The following LRRC4B variants were observed in gnomAD, a reference collection of about 807,000 sequenced individuals.
LRRC4B encodes the protein leucine-rich repeat-containing protein 4B.
In LRRC4B, 1 loss-of-function variant was observed where a neutral mutation model predicts 7.3. The observed-to-expected ratio is 0.14, with a 90% CI of 0.05 to 0.65. The LOEUF (loss-of-function observed/expected upper bound fraction) is 0.65, where lower values mean the gene tolerates loss of function less well. Among genes scored for constraint, LRRC4B ranks in the 30% least tolerant of loss-of-function variants. The pLI, the probability that LRRC4B is intolerant of heterozygous loss-of-function variation, is 0.84. For synonymous variants in LRRC4B, 500 were observed against 499.2 expected, an observed-to-expected ratio of 1.00 and a Z score of -0.02; for missense variants, 730 against 1,041.6, an observed-to-expected ratio of 0.70 and a Z score of 4.12.
chr19:50,531,617 T>C (rs1981063586), intron 2 of LRRC4B, among the ~76,000 whole-genome samples: 1 of 152,220 alleles, frequency 6.6e-6, no homozygotes, highest in African/African-American at 2.4e-5. Context: ...ATAGGGAGTC[T>C]CTTTATTTTG....
At chr19:50,541,698 C>T (rs151306648) in intron 2 of LRRC4B, among the ~76,000 whole-genome samples, 100 of 152,300 alleles carry the variant, frequency 6.6e-4, no homozygotes, top group African/African-American at 2.3e-3. Context: ...CAGAGCCGCC[C>T]GCTAAAAGCC....
chr19:50,534,622 G>A (rs572816452), intron 2 of LRRC4B, among the ~76,000 whole-genome samples: 3 of 152,290 alleles, frequency 2.0e-5, no homozygotes, highest in South Asian at 2.1e-4. Flanking sequence ...GCAAAGGGAC[G>A]TGGCCCCCAT....
At position 50,520,237 on chromosome 19, in the gene LRRC4B, A is replaced by G. The variant is rs1205966926; in HGVS notation, c.298-822T>C. Among the ~76,000 whole-genome samples, 101 of 65,014 alleles carry G rather than the reference A, an allele frequency of 1.6e-3. 3 individuals are homozygous for G. Among genetic ancestry groups the G allele is most frequent in the Admixed American group, 2.5e-3 (12 of 4,856 alleles). 42.7% of individuals were successfully genotyped at this position (65,014 alleles called of 152,430 possible). ...AAAAAAAAAAAAAAAAAAAAAAAAAAAAAAAAAAAAGAAGAAAAGAAAAGA... is the reference window on the plus strand; with the variant it reads ...AAAAAAAAAAAAAAAAAAAAAAAAAGAAAAAAAAAAGAAGAAAAGAAAAGA... On this transcript the variant is annotated intron_variant, in intron 2 of 2. Transcript: ENST00000652263.
At chr19:50,530,121 G>A (rs1980988496) in intron 2 of LRRC4B, among the ~76,000 whole-genome samples, 2 of 151,958 alleles carry the variant, frequency 1.3e-5, no homozygotes, top group Admixed American at 1.3e-4. Context: ...CATCCCCACA[G>A]CCCAGCCCCG....
At position 50,556,260 on chromosome 19, in the gene LRRC4B, C is replaced by T. The variant is rs1290269973; in HGVS notation, c.-35-7387G>A. 4.1e-5 allele frequency among the ~76,000 whole-genome samples: 4 copies of T among 98,354 alleles called. No individual in the cohort carries two copies. The highest frequency in any genetic ancestry group is 1.1e-4 in the Admixed American group (1 of 8,950). 64.5% of individuals were successfully genotyped at this position (98,354 alleles called of 152,430 possible). A position where few individuals can be genotyped will look rare whatever the true frequency, so the allele number is the denominator to read the frequency against. On this transcript the variant is annotated intron_variant, in intron 1 of 2. Transcript: ENST00000652263. The surrounding 1 kb of genome is among the most constrained non-coding windows in gnomAD (Gnocchi z 4.2). ...GCGGCCCGTGCAGTGGGGGTGCAGT[C>T]GGGGTGGGGGTGAGGTGCAGTGGGT...
chr19:50,540,752 T>C (rs1371192581), intron 2 of LRRC4B, among the ~76,000 whole-genome samples: 3 of 151,380 alleles, frequency 2.0e-5, no homozygotes, highest in Non-Finnish European at 2.9e-5. Flanking sequence ...TGCCTGATGA[T>C]CCATCACTGT....
In LRRC4B at chr19:50,568,278, GCCTTCCTTCCTT is replaced by G. The variant is rs920367609; in HGVS notation, c.-382_-371del. ...TTCTTTCCTGGCTTCCTTCCTTCCA[GCCTTCCTTCCTT>G]CCTTCCTCCCTCCTCGGGCCCGCCG... On this transcript the variant is annotated 5_prime_UTR_variant, in exon 1 of 3. Transcript: ENST00000652263. Among the ~76,000 whole-genome samples, 1 of 151,032 alleles carries G rather than the reference GCCTTCCTTCCTT, an allele frequency of 6.6e-6. No homozygotes were observed. The highest frequency in any genetic ancestry group is 1.5e-5 in the Non-Finnish European group (1 of 67,702).
intron 2 of LRRC4B, among the ~76,000 whole-genome samples, chr19:50,525,311 T>C (rs1980757233): frequency 1.3e-5 from 2 of 152,060 alleles, no homozygotes; most frequent in African/African-American, 2.4e-5. Context: ...CTCATTGTTA[T>C]CGTTATCGTT....
chr19:50,525,550 C>T lies in LRRC4B; in HGVS notation c.298-6135G>A, dbSNP rs377620943. Among the ~76,000 whole-genome samples the T allele has an allele frequency of 6.6e-5, 10 of 150,970 alleles. No homozygotes were observed. In the South Asian group the frequency reaches 1.3e-3, roughly 19 times the overall value. On this transcript the variant is annotated intron_variant, in intron 2 of 2. Transcript: ENST00000652263. ...CCTCCCAAGTAGCTAGGATTACAGG[C>T]GTCCTCCACCACACCCGGCTAATTT...
At chr19:50,544,322 C>T (rs1041586679) in intron 2 of LRRC4B, among the ~76,000 whole-genome samples, 5 of 151,598 alleles carry the variant, frequency 3.3e-5, no homozygotes, top group South Asian at 2.1e-4. Flanking sequence ...CTGGCTAACA[C>T]AGTGAAACCT....
At chr19:50,526,388 G>C (rs947038365) in intron 2 of LRRC4B, among the ~76,000 whole-genome samples, 1 of 152,126 alleles carries the variant, frequency 6.6e-6, no homozygotes, top group Non-Finnish European at 1.5e-5. Context: ...ACTTACACAG[G>C]AGGATGTCCT....
rs754727690 is a variant in LRRC4B, at chr19:50,519,188, G to A, written c.525C>T (p.Ser175=). The A allele has an allele frequency of 3.7e-6, 6 of 1,613,964 alleles. No individual in the cohort carries two copies. The highest frequency in any genetic ancestry group is 4.2e-6 in the Non-Finnish European group (5 of 1,180,004). The change falls in exon 3 of 3, where the codon TCC becomes TCT. Residue 175 remains serine (S), a synonymous_variant. Transcript: ENST00000652263. This position sits in a 1 kb window ranked among gnomAD's most constrained non-coding sequence, Gnocchi z 8.1. ...GCGAGGGCACGCGGTTGAAGGCGTAGGAGGGGATGCTCTCGATGGGGTTGT... is the reference window on the plus strand; with the variant it reads ...GCGAGGGCACGCGGTTGAAGGCGTAAGAGGGGATGCTCTCGATGGGGTTGT... ...LRNNPIESIP[S]YAFNRVPSLR...
chr19:50,564,921 G>T lies in LRRC4B; in HGVS notation c.-36+3023C>A, dbSNP rs536803256. Among the ~76,000 whole-genome samples the T allele has an allele frequency of 4.8e-3, 730 of 151,860 alleles. 1 individual carries two copies. The highest frequency in any genetic ancestry group is 6.3e-3 in the Non-Finnish European group (430 of 67,982). On this transcript the variant is annotated intron_variant, in intron 1 of 2. Coordinates refer to ENST00000652263, the MANE Select transcript of LRRC4B (RefSeq NM_001080457.2). ...CCCACAGCACCTCTGCCTGAAGATCGGCCTCTCTGCATGGGCCCTGAGGGT... is the reference window on the plus strand; with the variant it reads ...CCCACAGCACCTCTGCCTGAAGATCTGCCTCTCTGCATGGGCCCTGAGGGT...
intron 2 of LRRC4B, among the ~76,000 whole-genome samples, chr19:50,544,493 C>T (rs1280511546): frequency 3.4e-5 from 5 of 148,416 alleles, no homozygotes; most frequent in South Asian, 2.2e-4. Context: ...GGCGACAGAG[C>T]GAGACTCCGT....
Position 50,517,795 on chromosome 19 carries a change from T to C in LRRC4B, c.1918A>G (p.Ser640Gly). 1 of 1,533,206 alleles carries C rather than the reference T, an allele frequency of 6.5e-7. No individual in the cohort carries two copies. Among genetic ancestry groups the C allele is most frequent in the Non-Finnish European group, 8.7e-7 (1 of 1,146,386 alleles). 95.0% of individuals were successfully genotyped at this position (1,533,206 alleles called of 1,614,324 possible). The change falls in exon 3 of 3, where the codon AGT becomes GGT. Residue 640 changes from serine to glycine, a missense_variant. Physicochemically the swap from Ser to Gly is moderately conservative, Grantham distance 56. Coordinates refer to ENST00000652263, the MANE Select transcript of LRRC4B (RefSeq NM_001080457.2). This position sits in a 1 kb window ranked among gnomAD's most constrained non-coding sequence, Gnocchi z 6.6. ...VSVAAAAAVA[S>G]GGGVGGDSHL... ...CTGTCCCCGCCCACACCACCCCCACTGGCCACGGCGGCCGCGGCGGCCACG... is the reference window on the plus strand; with the variant it reads ...CTGTCCCCGCCCACACCACCCCCACCGGCCACGGCGGCCGCGGCGGCCACG...
chr19:50,543,866 A>T (rs1222560575), intron 2 of LRRC4B, among the ~76,000 whole-genome samples: 1 of 150,818 alleles, frequency 6.6e-6, no homozygotes, highest in South Asian at 2.1e-4. Flanking sequence ...AAAAAAAAAA[A>T]AAAAAAAGAA....
rs765352762 is a variant in LRRC4B at position 50,518,071 on chromosome 19, G to A, written c.1642C>T (p.Pro548Ser). The A allele has an allele frequency of 1.9e-6, 3 of 1,590,486 alleles. No individual in the cohort carries two copies. Among genetic ancestry groups the A allele is most frequent in the Admixed American group, 3.7e-5 (2 of 54,390 alleles). ...GGCACCGTGAACGCCTTCTCCGTGG[G>A]CCGCGAGGAGCGCGGGGCGGGTGCC... ...TTAPAPRSSR[P>S]TEKAFTVPIT... The change falls in exon 3 of 3, where the codon CCC becomes TCC. Residue 548 changes from proline (P) to serine (S), a missense_variant. Pro to Ser is a moderately conservative substitution (Grantham distance 74). Around this residue, in one of 6 missense-constraint regions of LRRC4B, gnomAD observed 192 missense variants for 228.6 expected, o/e 0.84. Transcript: ENST00000652263.
intron 1 of LRRC4B, among the ~76,000 whole-genome samples, chr19:50,565,985 C>G (rs937278692): frequency 2.0e-5 from 3 of 152,184 alleles, no homozygotes; most frequent in African/African-American, 7.2e-5. Flanking sequence ...TTGGGTCTCT[C>G]TCCCCGCCTT....
rs1980368258 is a variant in LRRC4B, at chr19:50,518,005, C to T, written c.1708G>A (p.Asp570Asn). 5 of 1,541,884 alleles carry T rather than the reference C, an allele frequency of 3.2e-6. No homozygotes were observed. The highest frequency in any genetic ancestry group is 1.4e-5 in the African/African-American group (1 of 72,126). ...VTENALKDLD[D>N]VMKTTKIIIG... ...ATGATTTTGGTGGTCTTCATGACGTCGTCCAGGTCCTTGAGGGCGTTCTCC... is the reference window on the plus strand; with the variant it reads ...ATGATTTTGGTGGTCTTCATGACGTTGTCCAGGTCCTTGAGGGCGTTCTCC... The change falls in exon 3 of 3, where the codon GAC (aspartate) becomes AAC (asparagine). Residue 570 changes from aspartate to asparagine, a missense_variant. Transcript: ENST00000652263.
Sources: gnomAD v4.1 joint callset for allele counts (sites outside exome capture counted in the v4.1 genomes callset) on GRCh38, gnomAD v4.1.1 for gene constraint, gnomAD v4.1.1 regional missense constraint, Gnocchi (gnomAD v3.1) non-coding constraint, MANE v1.5 for transcripts, NCBI Gene and HGNC (gene_info 2026-07-23, HGNC 2026-07-21) for gene names.